PACRG: variants seen among roughly 807,000 people sequenced by gnomAD.
The protein encoded by PACRG is parkin coregulated gene protein.
Under a neutral mutation model 29.7 loss-of-function variants are expected in PACRG, and 29 were observed. The ratio of observed to expected loss-of-function variants is 0.98; its 90% CI spans 0.73 to 1.33. PACRG has a LOEUF of 1.33. PACRG is among the 40% of genes most tolerant of loss of function. The pLI is 0.00. For synonymous variants in PACRG, 116 were observed against 118.7 expected, an observed-to-expected ratio of 0.98 and a Z score of 0.15; for missense variants, 279 against 316.2, an observed-to-expected ratio of 0.88 and a Z score of 0.89.
intron 2 of PACRG, among the ~76,000 whole-genome samples, chr6:162,885,304 C>G (rs1794240453): frequency 6.9e-6 from 1 of 145,544 alleles, no homozygotes; most frequent in South Asian, 2.1e-4. Flanking sequence ...GAGTCTTGCT[C>G]TGTTGCCCAG....
At chr6:163,177,621 A>G (rs1779432851) in intron 4 of PACRG, among the ~76,000 whole-genome samples, 1 of 149,498 alleles carries the variant, frequency 6.7e-6, no homozygotes, top group Admixed American at 6.7e-5. Flanking sequence ...TGGCCTGGGG[A>G]GTGACGGATC....
chr6:163,284,977 G>A (rs1306904621), intron 4 of PACRG, among the ~76,000 whole-genome samples: 1 of 152,122 alleles, frequency 6.6e-6, no homozygotes, highest in African/African-American at 2.4e-5. Context: ...ATTGCCTGGG[G>A]CAGTGCAGTA....
chr6:163,286,616 A>G (rs776332100), intron 4 of PACRG, among the ~76,000 whole-genome samples: 20 of 152,214 alleles, frequency 1.3e-4, no homozygotes, highest in Non-Finnish European at 2.5e-4. Context: ...CATCTTGAGA[A>G]CAGGCAGTAT....
chr6:162,943,932 C>T (rs1421228379), intron 2 of PACRG, among the ~76,000 whole-genome samples: 2 of 152,098 alleles, frequency 1.3e-5, no homozygotes, highest in African/African-American at 4.8e-5. Flanking sequence ...GCTCACACCA[C>T]ACCTGCCATC....
chr6:163,217,609 C>A (rs1163379681), intron 4 of PACRG, among the ~76,000 whole-genome samples: 1 of 152,196 alleles, frequency 6.6e-6, no homozygotes, highest in East Asian at 1.9e-4. Flanking sequence ...AGGAGGTGAG[C>A]AGTGGGCAGG....
chr6:163,252,162 C>A (rs1157439332), intron 4 of PACRG, among the ~76,000 whole-genome samples: 1 of 152,234 alleles, frequency 6.6e-6, no homozygotes, highest in Non-Finnish European at 1.5e-5. Flanking sequence ...GGGTGCACTG[C>A]ATCTCACAGA....
At chr6:162,972,007 G>C (rs1801572006) in intron 2 of PACRG, among the ~76,000 whole-genome samples, 1 of 152,176 alleles carries the variant, frequency 6.6e-6, no homozygotes, top group Admixed American at 6.5e-5. Context: ...GTCTCACTCT[G>C]TGACGCATGT....
intron 2 of PACRG, among the ~76,000 whole-genome samples, chr6:162,868,043 A>G (rs562290095): frequency 6.6e-6 from 1 of 152,126 alleles, no homozygotes; most frequent in African/African-American, 2.4e-5. Flanking sequence ...TTCTCTTATG[A>G]CTTTTCTTAT....
At chr6:162,990,456 A>T (rs904141179) in intron 2 of PACRG, among the ~76,000 whole-genome samples, 36 of 148,024 alleles carry the variant, frequency 2.4e-4, no homozygotes, top group Non-Finnish European at 1.3e-4. Flanking sequence ...GATATCTCAG[A>T]GTGGTTTTGA....
chr6:163,028,241 C>T (rs1807329722), intron 2 of PACRG, among the ~76,000 whole-genome samples: 1 of 152,146 alleles, frequency 6.6e-6, no homozygotes, highest in Admixed American at 6.5e-5. Flanking sequence ...AGAAATGTAT[C>T]CTATAAGATC....
chr6:162,963,426 C>G (rs183438728), intron 2 of PACRG, among the ~76,000 whole-genome samples: 2 of 151,960 alleles, frequency 1.3e-5, no homozygotes, highest in African/African-American at 4.8e-5. Context: ...ATTTTCAGTT[C>G]AAAATCATGT....
At chr6:162,916,445 C>A (rs1032954813) in intron 2 of PACRG, among the ~76,000 whole-genome samples, 1 of 152,188 alleles carries the variant, frequency 6.6e-6, no homozygotes, top group African/African-American at 2.4e-5. Flanking sequence ...AGTTTTTGTC[C>A]CTTATTTCTT....
intron 2 of PACRG, among the ~76,000 whole-genome samples, chr6:162,876,739 T>G (rs2128004378): frequency 6.6e-6 from 1 of 152,360 alleles, no homozygotes; most frequent in African/African-American, 2.4e-5. Context: ...CAACTTTGGC[T>G]TTTGTTGCCA....
intron 4 of PACRG, among the ~76,000 whole-genome samples, chr6:163,264,440 AGTGT>A (rs1466240405): frequency 1.3e-5 from 2 of 152,220 alleles, no homozygotes; most frequent in Admixed American, 6.5e-5. Context: ...TGGAGACAAA[AGTGT>A]GAGCACAAAA....
chr6:163,293,739 T>A (rs765076558), intron 4 of PACRG, among the ~76,000 whole-genome samples: 1 of 152,134 alleles, frequency 6.6e-6, no homozygotes, highest in Non-Finnish European at 1.5e-5. Context: ...AATATTAAAG[T>A]AAGGTATACA....
chr6:163,153,241 C>T (rs781721398), intron 4 of PACRG, among the ~76,000 whole-genome samples: 11 of 152,066 alleles, frequency 7.2e-5, no homozygotes, highest in Non-Finnish European at 1.2e-4. Context: ...ACAGATGATA[C>T]CGATAGTTTG....
At chr6:163,054,984 C>A (rs1290962728) in intron 2 of PACRG, among the ~76,000 whole-genome samples, 1 of 152,164 alleles carries the variant, frequency 6.6e-6, no homozygotes, top group African/African-American at 2.4e-5. Context: ...GGTACAACTT[C>A]ACCAGGTCAA....
At chr6:163,003,155 T>A (rs1374606643) in intron 2 of PACRG, among the ~76,000 whole-genome samples, 1 of 152,226 alleles carries the variant, frequency 6.6e-6, no homozygotes, top group African/African-American at 2.4e-5. Flanking sequence ...ATTATCTTCT[T>A]TGCATTATTA....
chr6:163,131,214 G>A (rs562269259), intron 4 of PACRG, among the ~76,000 whole-genome samples: 71 of 151,884 alleles, frequency 4.7e-4, no homozygotes, highest in African/African-American at 1.5e-3. Flanking sequence ...AGGCTGAGGC[G>A]GGAGGATGGC....
Sources: gnomAD v4.1 joint callset for allele counts (sites outside exome capture counted in the v4.1 genomes callset) on GRCh38, gnomAD v4.1.1 for gene constraint, MANE v1.5 for transcripts, NCBI Gene and HGNC (gene_info 2026-07-23, HGNC 2026-07-21) for gene names.